Variants in RERE observed in about 807,000 individuals in gnomAD.
RERE encodes arginine-glutamic acid dipeptide repeats protein.
A neutral mutation model predicts 146.1 loss-of-function variants in RERE; 40 were observed. That is an observed-to-expected ratio of 0.27 (90% CI 0.21 to 0.36). The LOEUF (loss-of-function observed/expected upper bound fraction) is 0.36, where lower values mean the gene tolerates loss of function less well. Ranked by LOEUF, RERE falls within the 10% of genes least tolerant of loss-of-function variation. The probability of loss-of-function intolerance (pLI) is 1.00; values close to 1 mark genes in which losing one functional copy is unlikely to be tolerated. For missense variants in RERE, 1,933 were observed against 2,138.7 expected, an observed-to-expected ratio of 0.90 and a Z score of 1.90; for synonymous variants, 1,003 against 866.0, an observed-to-expected ratio of 1.16 and a Z score of -2.78.
At chr1:8,661,199 G>A (rs1381182041) in intron 1 of RERE, among the ~76,000 whole-genome samples, 1 of 152,162 alleles carries the variant, frequency 6.6e-6, no homozygotes, top group African/African-American at 2.4e-5. Flanking sequence ...GAAGGGAGGT[G>A]ATTCCTGAAG....
At chr1:8,653,627 G>A (rs554242614) in intron 2 of RERE, among the ~76,000 whole-genome samples, 28 of 150,700 alleles carry the variant, frequency 1.9e-4, no homozygotes, top group African/African-American at 4.9e-4. Flanking sequence ...CCCGGGAGGC[G>A]GAGCTTGCAG....
chr1:8,509,439 T>C (rs1281714686), intron 7 of RERE, among the ~76,000 whole-genome samples: 1 of 30,662 alleles, frequency 3.3e-5, no homozygotes, highest in Non-Finnish European at 1.0e-4. Flanking sequence ...CATCCATCCG[T>C]CCGTCCGTCC....
At position 8,485,074 on chromosome 1, in the gene RERE, A is replaced by T. The variant is rs760120395; in HGVS notation, c.1104+9989T>A. On this transcript the variant is annotated intron_variant, in intron 10 of 22. Coordinates refer to ENST00000400908, the MANE Select transcript of RERE (RefSeq NM_001042681.2). Reference sequence around the variant, plus strand: ...CTTCAATGAGGCCTCTACTATTAAGAATGTGGGCCGGATCCGGTGGCTTAC... The same window carrying T: ...CTTCAATGAGGCCTCTACTATTAAGTATGTGGGCCGGATCCGGTGGCTTAC... 2.5e-4 allele frequency among the ~76,000 whole-genome samples: 38 copies of T among 152,226 alleles called. 1 individual carries two copies. The highest frequency in any genetic ancestry group is 6.8e-3 in the Middle Eastern group (2 of 294).
At chr1:8,441,748 T>TA (rs1229070485) in intron 11 of RERE, among the ~76,000 whole-genome samples, 2 of 152,174 alleles carry the variant, frequency 1.3e-5, no homozygotes, top group Non-Finnish European at 2.9e-5. Context: ...TCTGGGCACT[T>TA]ACGTGTTTAA....
intron 7 of RERE, among the ~76,000 whole-genome samples, chr1:8,520,726 C>T (rs1315473402): frequency 1.8e-5 from 2 of 110,548 alleles, no homozygotes; most frequent in Non-Finnish European, 3.4e-5. Flanking sequence ...TGCCTGCACA[C>T]ACATGGAGAT....
At chr1:8,647,101 C>T (rs1025718312) in intron 2 of RERE, among the ~76,000 whole-genome samples, 4 of 152,168 alleles carry the variant, frequency 2.6e-5, no homozygotes, top group Admixed American at 6.5e-5. Context: ...AGAGGTAACA[C>T]GACCCTGCCA....
intron 1 of RERE, among the ~76,000 whole-genome samples, chr1:8,789,561 C>CA (rs1641326689): frequency 6.6e-6 from 1 of 151,910 alleles, no homozygotes; most frequent in South Asian, 2.1e-4. Context: ...ATTACTCAGA[C>CA]AGAGATGTAC....
intron 1 of RERE, among the ~76,000 whole-genome samples, chr1:8,756,022 G>A (rs896362108): frequency 1.8e-4 from 28 of 152,166 alleles, no homozygotes; most frequent in African/African-American, 6.5e-4. Context: ...TCAGTCAAGT[G>A]TGGTGGCTAT....
intron 1 of RERE, among the ~76,000 whole-genome samples, chr1:8,779,612 G>A (rs1424738698): frequency 6.6e-6 from 1 of 151,814 alleles, no homozygotes; most frequent in African/African-American, 2.4e-5. Context: ...GCAATGAGCC[G>A]AGATCACGCC....
intron 11 of RERE, among the ~76,000 whole-genome samples, chr1:8,463,495 C>T (rs887393599): frequency 6.6e-6 from 1 of 152,178 alleles, no homozygotes; most frequent in African/African-American, 2.4e-5. Flanking sequence ...CCTCAAGCAG[C>T]AGCAATGGGG....
chr1:8,355,722 G>T, intron 21 of RERE, 123 bp from the exon 22 acceptor site: 1 of 837,738 alleles, frequency 1.2e-6, no homozygotes, highest in Non-Finnish European at 1.8e-6. Flanking sequence ...ACAGGAGCCA[G>T]CCCCTCCCAG....
At chr1:8,521,176 C>CAAAAAAAAAAAAA (rs36115526) in intron 7 of RERE, among the ~76,000 whole-genome samples, 104 of 109,902 alleles carry the variant, frequency 9.5e-4, no homozygotes, top group African/African-American at 3.5e-3. Flanking sequence ...TTCTTTTTTT[C>CAAAAAAAAAAAAA]AAAAAAAAAA....
intron 1 of RERE, among the ~76,000 whole-genome samples, chr1:8,768,825 T>C (rs1461705628): frequency 6.6e-6 from 1 of 152,094 alleles, no homozygotes; most frequent in Admixed American, 6.5e-5. Context: ...AATGTGGGTG[T>C]GGACTAGGAG....
At chr1:8,449,135 A>T (rs1644361564) in intron 11 of RERE, among the ~76,000 whole-genome samples, 1 of 152,210 alleles carries the variant, frequency 6.6e-6, no homozygotes, top group African/African-American at 2.4e-5. Flanking sequence ...ACAGTCAAGA[A>T]TGGCTAACGG....
intron 11 of RERE, among the ~76,000 whole-genome samples, chr1:8,451,805 G>A (rs939711102): frequency 5.9e-5 from 9 of 152,094 alleles, no homozygotes; most frequent in Admixed American, 2.6e-4. Flanking sequence ...TTCTCCCGAT[G>A]ACTCTAACGC....
rs1570048829 is a variant in RERE, at chr1:8,364,154, G to T, written c.1642C>A (p.Pro548Thr). Reference protein sequence around the residue: ...KYGELPPIEKPVDPPPFMFKP... With the variant: ...KYGELPPIEKTVDPPPFMFKP... ...AACATAAACGGTGGCGGGTCCACGG[G>T]CTTCTCAATGGGCGGGAGCTCACCG... Residue 548 changes from proline to threonine, a missense_variant, in exon 15 of 23, where the codon CCC (proline) becomes ACC (threonine). By Grantham distance (38) the Pro-to-Thr change is conservative. This residue lies in a region of RERE where 260 missense variants were observed against 378.4 expected (regional missense o/e 0.69). Coordinates refer to ENST00000400908, the MANE Select transcript of RERE (RefSeq NM_001042681.2). The surrounding 1 kb of genome is among the most constrained non-coding windows in gnomAD (Gnocchi z 5.1). 6.2e-7 allele frequency: 1 copy of T among 1,614,144 alleles called. No individual in the cohort carries two copies. Among genetic ancestry groups the T allele is most frequent in the Non-Finnish European group, 8.5e-7 (1 of 1,180,016 alleles).
chr1:8,502,847 G>A (rs1286300642), intron 8 of RERE, among the ~76,000 whole-genome samples: 7 of 148,772 alleles, frequency 4.7e-5, no homozygotes, highest in East Asian at 3.9e-4. Flanking sequence ...ATGGATTAAG[G>A]GCGGTGCAAG....
At position 8,423,738 on chromosome 1, in the gene RERE, C is replaced by T; in HGVS notation, c.1204-931G>A. 3 of 973,776 alleles carry T rather than the reference C, an allele frequency of 3.1e-6. No individual in the cohort carries two copies. Among genetic ancestry groups the T allele is most frequent in the African/African-American group, 1.8e-5 (1 of 56,648 alleles). The allele number at this position is 973,776 out of a possible 1,614,324, so 60.3% of individuals were successfully genotyped here. A position where few individuals can be genotyped will look rare whatever the true frequency, so the allele number is the denominator to read the frequency against. On this transcript the variant is annotated intron_variant, in intron 11 of 22. Transcript: ENST00000400908. This position sits in a 1 kb window ranked among gnomAD's most constrained non-coding sequence, Gnocchi z 5.4. Reference sequence around the variant, plus strand: ...CGCGGCGGGGCCGCGCGGCGCGGGGCCCGGGGGGCGCGGGGCTGGGGCCGC... The same window carrying T: ...CGCGGCGGGGCCGCGCGGCGCGGGGTCCGGGGGGCGCGGGGCTGGGGCCGC...
At chr1:8,678,929 T>G (rs893612775) in intron 1 of RERE, among the ~76,000 whole-genome samples, 1 of 152,210 alleles carries the variant, frequency 6.6e-6, no homozygotes, top group African/African-American at 2.4e-5. Context: ...CTGTCCAGTA[T>G]AGTAGTCACT....
Sources: gnomAD v4.1 joint callset for allele counts (sites outside exome capture counted in the v4.1 genomes callset) on GRCh38, gnomAD v4.1.1 for gene constraint, gnomAD v4.1.1 regional missense constraint, Gnocchi (gnomAD v3.1) non-coding constraint, MANE v1.5 for transcripts, NCBI Gene and HGNC (gene_info 2026-07-23, HGNC 2026-07-21) for gene names.